Variants in MYH1 observed in about 807,000 individuals in gnomAD.
MYH1 encodes myosin heavy chain 1, also known as myosin-1.
MYH1 carries 214 observed loss-of-function variants against 225.6 expected under a neutral mutation model. The ratio of observed to expected loss-of-function variants is 0.95; its 90% CI spans 0.85 to 1.06. The LOEUF (loss-of-function observed/expected upper bound fraction) is 1.06. MYH1 is among the 50% of genes least tolerant of loss of function. The pLI is 0.00. For missense variants in MYH1, 2,098 were observed against 2,344.2 expected (o/e 0.89, Z 2.17); for synonymous variants, 774 against 842.3 (o/e 0.92, Z 1.40).
rs768768822 is a variant in MYH1 at position 10,496,109 on chromosome 17, G to A, written c.5010C>T (p.Asp1670=). ...HLDDALRSQE[D]LKEQLAMVER... ...CCACCATAGCCAGCTGTTCCTTCAGGTCCTCCTGGCTCCGGAGAGCATCAT... is the reference window on the plus strand; with the variant it reads ...CCACCATAGCCAGCTGTTCCTTCAGATCCTCCTGGCTCCGGAGAGCATCAT... The change falls in exon 35 of 40, where the codon GAC becomes GAT. Residue 1670 remains aspartate (D), a synonymous_variant. Transcript: ENST00000226207. 2 of 1,614,076 alleles carry A rather than the reference G, an allele frequency of 1.2e-6. No homozygotes were observed. Among genetic ancestry groups the A allele is most frequent in the Non-Finnish European group, 1.7e-6 (2 of 1,180,026 alleles).
chr17:10,506,054 G>T lies in MYH1; in HGVS notation c.2014C>A (p.His672Asn). 1 of 1,614,184 alleles carries T rather than the reference G, an allele frequency of 6.2e-7. No homozygotes were observed. The change falls in exon 18 of 40, where the codon CAC becomes AAC. Residue 672 changes from histidine to asparagine, a missense_variant. Transcript: ENST00000226207. ...TTGGGGATGATGCACCGCACAAAGTGGGGGTGAGTGCTCCTCAAGTTGGTC... is the reference window on the plus strand; with the variant it reads ...TTGGGGATGATGCACCGCACAAAGTTGGGGTGAGTGCTCCTCAAGTTGGTC... The part of the protein sequence containing the change: ...LMTNLRSTHP[H>N]FVRCIIPNET...
At position 10,515,830 on chromosome 17, in the gene MYH1, G is replaced by A. The variant is rs954956223; in HGVS notation, c.505+96C>T. On this transcript the variant is annotated intron_variant, in intron 5 of 39. Coordinates refer to ENST00000226207, the MANE Select transcript of MYH1 (RefSeq NM_005963.4). ...ACCTCTGCTGAACAACCAGGGGCGT[G>A]AATTGGGTTTTTTTCTAAAGGTCTT... is the stretch of plus-strand genomic sequence containing the variant. 31 of 1,594,732 alleles carry A rather than the reference G, an allele frequency of 1.9e-5. No homozygotes were observed. In the African/African-American group the frequency reaches 3.9e-4, roughly 20 times the overall value.
intron 28 of MYH1, among the ~76,000 whole-genome samples, chr17:10,499,595 A>C (rs1292033271): frequency 2.0e-5 from 3 of 152,222 alleles, no homozygotes; most frequent in African/African-American, 7.2e-5. Context: ...TCCCATCCCC[A>C]GAATGAATTG....
intron 27 of MYH1, 23 bp from the exon 28 acceptor site, chr17:10,500,775 G>A (rs758584922): frequency 6.2e-7 from 1 of 1,613,962 alleles, no homozygotes; most frequent in Non-Finnish European, 8.5e-7. Context: ...AGTGGTAGAA[G>A]GCATCTCAAG....
chr17:10,508,346 A>C lies in MYH1; in HGVS notation c.1897+17T>G. The C allele has an allele frequency of 6.3e-6, 10 of 1,576,414 alleles. No homozygotes were observed. The highest frequency in any genetic ancestry group is 8.6e-6 in the Non-Finnish European group (10 of 1,163,334). ...GTTTTATACATTAGGTAAAAGATTA[A>C]TTATATTGATAATTACCTGCTTCCG... On this transcript the variant is annotated intron_variant, in intron 16 of 39. Transcript: ENST00000226207.
In MYH1 at chr17:10,497,861, G is replaced by C. The variant is rs766934626; in HGVS notation, c.4238C>G (p.Ala1413Gly). The C allele has an allele frequency of 1.9e-6, 3 of 1,613,406 alleles. No individual in the cohort carries two copies. Among genetic ancestry groups the C allele is most frequent in the Non-Finnish European group, 2.5e-6 (3 of 1,179,872 alleles). ...CGTCTTCTCAAGGGAAGCACATTTG[G>C]CATTCACAGCTTCTACATGTTCCTC... The part of the protein sequence containing the change: ...DAEEHVEAVN[A>G]KCASLEKTKQ... Residue 1413 changes from alanine to glycine, a missense_variant, in exon 31 of 40, where the codon GCC becomes GGC. Ala to Gly is a moderately conservative substitution (Grantham distance 60). Transcript: ENST00000226207.
chr17:10,505,734 A>G (rs1016618180), intron 19 of MYH1, 78 bp downstream of exon 19: 2 of 1,571,072 alleles, frequency 1.3e-6, no homozygotes, highest in African/African-American at 1.4e-5. Context: ...AAGAGGAGGT[A>G]TAAAGGATTC....
Position 10,506,049 on chromosome 17 carries a change from A to G in MYH1, c.2019T>C (p.Phe673=). The change falls in exon 18 of 40, where the codon TTT becomes TTC. Residue 673 remains phenylalanine (F), a synonymous_variant. Transcript: ENST00000226207. ...MTNLRSTHPH[F]VRCIIPNETK... is the part of the protein sequence containing the mutation. ...TTTCATTGGGGATGATGCACCGCAC[A>G]AAGTGGGGGTGAGTGCTCCTCAAGT... 1 of 1,614,212 alleles carries G rather than the reference A, an allele frequency of 6.2e-7. No individual in the cohort carries two copies. Among genetic ancestry groups the G allele is most frequent in the Non-Finnish European group, 8.5e-7 (1 of 1,180,018 alleles).
intron 14 of MYH1, among the ~76,000 whole-genome samples, chr17:10,510,649 G>A (rs1442544124): frequency 6.6e-6 from 1 of 152,154 alleles, no homozygotes; most frequent in African/African-American, 2.4e-5. Context: ...AATTCTATGA[G>A]GGGGATGAAT....
At chr17:10,494,506 A>G (rs947197211) in intron 38 of MYH1, 57 bp from the exon 39 acceptor site, 2 of 1,610,020 alleles carry the variant, frequency 1.2e-6, no homozygotes, top group African/African-American at 2.7e-5. Context: ...ACATTTTGTC[A>G]TACATATGAC....
chr17:10,512,324 C>A (rs2073178606), intron 12 of MYH1, 84 bp downstream of exon 12: 1 of 1,608,538 alleles, frequency 6.2e-7, no homozygotes, highest in Admixed American at 1.7e-5. Context: ...ATCAGGAGCT[C>A]AGCTGTAAAG....
Position 10,492,534 on chromosome 17 carries a change from C to A in MYH1, c.5702G>T (p.Arg1901Leu). Residue 1901 changes from arginine (R) to leucine (L), a missense_variant, in exon 40 of 40, where the codon CGC becomes CTC. Physicochemically the swap from Arg to Leu is moderately radical, Grantham distance 102 (BLOSUM62 -2). Transcript: ENST00000226207. ...EQSNVNLSKF[R>L]RIQHELEEAE... The stretch of plus-strand genomic sequence containing the variant: ...CTCCTCCAGCTCGTGCTGGATCCTG[C>A]GGAATTTGGAGAGGTTGACGTTGGA... 6.2e-7 allele frequency: 1 copy of A among 1,613,866 alleles called. No individual in the cohort carries two copies. Among genetic ancestry groups the A allele is most frequent in the Non-Finnish European group, 8.5e-7 (1 of 1,179,892 alleles).
chr17:10,507,921 C>G lies in MYH1; in HGVS notation c.1933G>C (p.Gly645Arg), dbSNP rs2073129410. 2 of 1,613,856 alleles carry G rather than the reference C, an allele frequency of 1.2e-6. No individual in the cohort carries two copies. Among genetic ancestry groups the G allele is most frequent in the Middle Eastern group, 1.7e-4 (1 of 6,060 alleles). ...GGGKKGGKKK[G>R]SSFQTVSALF... is the part of the protein sequence containing the mutation. The stretch of plus-strand genomic sequence containing the variant: ...GCAGACACAGTCTGGAAAGAAGAAC[C>G]CTTCTTCTTACCACCTTTCTTTCCA... Residue 645 changes from glycine to arginine, a missense_variant, in exon 17 of 40, where the codon GGT becomes CGT. Coordinates refer to ENST00000226207, the MANE Select transcript of MYH1 (RefSeq NM_005963.4).
rs200914434 is a variant in MYH1 at position 10,505,044 on chromosome 17, C to T, written c.2457G>A (p.Gln819=). ...VERRESIFCI[Q]YNVRAFMNVK... is the part of the protein sequence containing the mutation. Reference sequence around the variant, plus strand: ...CATTCATGAAGGCACGGACATTGTACTGGATGCAGAAGATGGACTCTCTGT... The same window carrying T: ...CATTCATGAAGGCACGGACATTGTATTGGATGCAGAAGATGGACTCTCTGT... The change falls in exon 22 of 40, where the codon CAG becomes CAA. Residue 819 remains glutamine, a synonymous_variant. Coordinates refer to ENST00000226207, the MANE Select transcript of MYH1 (RefSeq NM_005963.4). The T allele has an allele frequency of 9.7e-5, 156 of 1,614,164 alleles. No individual in the cohort carries two copies. Among genetic ancestry groups the T allele is most frequent in the Non-Finnish European group, 1.3e-4 (150 of 1,180,032 alleles).
At chr17:10,495,778 C>CAAAAAAAAAAA (rs2072985156) in intron 35 of MYH1, among the ~76,000 whole-genome samples, 172 bp downstream of exon 35, 4 of 52,634 alleles carry the variant, frequency 7.6e-5, no homozygotes, top group Non-Finnish European at 2.0e-4. Flanking sequence ...AAAAAAAAAT[C>CAAAAAAAAAAA]AACTATGGAT....
chr17:10,502,205 AC>A (rs1390983992), intron 24 of MYH1, among the ~76,000 whole-genome samples: 1 of 152,216 alleles, frequency 6.6e-6, no homozygotes, highest in African/African-American at 2.4e-5. Context: ...CCATGCTAAT[AC>A]TTCCAAACCA....
intron 39 of MYH1, 21 bp downstream of exon 39, chr17:10,494,333 C>T (rs376356418): frequency 1.2e-6 from 2 of 1,608,596 alleles, no homozygotes; most frequent in African/African-American, 1.3e-5. Flanking sequence ...GAAAAATCAC[C>T]CCAAGGGGTT....
At chr17:10,496,842 G>A (rs2073000463) in intron 33 of MYH1, among the ~76,000 whole-genome samples, 1 of 152,158 alleles carries the variant, frequency 6.6e-6, no homozygotes, top group Non-Finnish European at 1.5e-5. Flanking sequence ...TAGGTAGATT[G>A]TGCCCTTGAA....
rs776728359 is a variant in MYH1 at position 10,509,541 on chromosome 17, A to C, written c.1531T>G (p.Trp511Gly). ...QEEYKKEGIE[W>G]TFIDFGMDLA... ...TCCATCCCAAAGTCAATGAACGTCCACTCAATGCCTTCCTTCTTGTACTCC... is the reference window on the plus strand; with the variant it reads ...TCCATCCCAAAGTCAATGAACGTCCCCTCAATGCCTTCCTTCTTGTACTCC... The change falls in exon 15 of 40, where the codon TGG (tryptophan) becomes GGG (glycine). Residue 511 changes from tryptophan to glycine, a missense_variant. Trp to Gly is a radical substitution (Grantham distance 184). Coordinates refer to ENST00000226207, the MANE Select transcript of MYH1 (RefSeq NM_005963.4). The C allele has an allele frequency of 2.5e-6, 4 of 1,614,150 alleles. No individual in the cohort carries two copies. In the Admixed American group the frequency reaches 6.7e-5, roughly 27 times the overall value.
Sources: allele counts gnomAD v4.1 joint callset (sites outside exome capture counted in the v4.1 genomes callset), GRCh38; gene constraint gnomAD v4.1.1; transcripts MANE v1.5; gene names NCBI Gene and HGNC (gene_info 2026-07-23, HGNC 2026-07-21).